CAB39L: variants seen among roughly 807,000 people sequenced by gnomAD.
CAB39L encodes the protein calcium binding protein 39 like.
CAB39L carries 23 observed loss-of-function variants against 39.1 expected under a neutral mutation model. The observed-to-expected ratio is 0.59, with a 90% CI of 0.42 to 0.83. CAB39L has a LOEUF of 0.83. Ranked by LOEUF, CAB39L falls within the 40% of genes least tolerant of loss-of-function variation. CAB39L has a pLI of 0.00. For synonymous variants in CAB39L, 126 were observed against 137.2 expected, an observed-to-expected ratio of 0.92 and a Z score of 0.57; for missense variants, 366 against 391.9, an observed-to-expected ratio of 0.93 and a Z score of 0.56.
intron 3 of CAB39L, among the ~76,000 whole-genome samples, chr13:49,427,280 C>T (rs1405154451): frequency 2.0e-5 from 3 of 152,192 alleles, no homozygotes; most frequent in Non-Finnish European, 4.4e-5. Context: ...ACCAAAAAAA[C>T]ATGAGTCTAC....
intron 6 of CAB39L, among the ~76,000 whole-genome samples, chr13:49,355,613 T>C (rs1289266942): frequency 1.3e-5 from 2 of 152,030 alleles, no homozygotes. Flanking sequence ...GAAACTATTT[T>C]AGTGATGTTA....
At chr13:49,438,395 T>C (rs934449890) in intron 1 of CAB39L, among the ~76,000 whole-genome samples, 1 of 152,220 alleles carries the variant, frequency 6.6e-6, no homozygotes, top group Non-Finnish European at 1.5e-5. Context: ...CAAAATATAT[T>C]TGATTTGCTC....
At chr13:49,421,007 A>G (rs1957163118) in intron 3 of CAB39L, among the ~76,000 whole-genome samples, 2 of 152,208 alleles carry the variant, frequency 1.3e-5, no homozygotes, top group South Asian at 2.1e-4. Context: ...TCTGTACATT[A>G]TATTTCAACT....
rs149844947 is a variant in CAB39L at position 49,332,065 on chromosome 13, C to T, written c.716G>A (p.Arg239His). The change falls in exon 10 of 11, where the codon CGT (arginine) becomes CAT (histidine). Residue 239 changes from arginine (R) to histidine (H), a missense_variant. By Grantham distance (29) the Arg-to-His change is conservative. Coordinates refer to ENST00000409308, the MANE Select transcript of CAB39L (RefSeq NM_001079670.3). ...CTTTGTCATGATGGCAAAGTTGTGA[C>T]GGTCCAGGATCAGCTCCCCTAGCAG... ...LKLLGELILD[R>H]HNFAIMTKYI... 2.2e-5 allele frequency: 36 copies of T among 1,613,808 alleles called. No homozygotes were observed. Among genetic ancestry groups the T allele is most frequent in the South Asian group, 1.3e-4 (12 of 91,044 alleles).
At chr13:49,427,130 T>C (rs191189552) in intron 3 of CAB39L, among the ~76,000 whole-genome samples, 4 of 152,276 alleles carry the variant, frequency 2.6e-5, no homozygotes, top group Admixed American at 2.6e-4. Flanking sequence ...CTCAGTTCAT[T>C]ATGTGCATTC....
chr13:49,348,359 G>A (rs1955240802), intron 7 of CAB39L, among the ~76,000 whole-genome samples: 1 of 152,172 alleles, frequency 6.6e-6, no homozygotes, highest in Non-Finnish European at 1.5e-5. Flanking sequence ...CTTGAGGTCA[G>A]GAGTTCGAGA....
chr13:49,386,997 T>C (rs925321540), intron 3 of CAB39L, among the ~76,000 whole-genome samples: 1 of 152,192 alleles, frequency 6.6e-6, no homozygotes, highest in Admixed American at 6.5e-5. Context: ...ATTTAAGCAA[T>C]GAAGCAAGTA....
chr13:49,393,940 GAAC>G (rs1256940556), intron 3 of CAB39L, among the ~76,000 whole-genome samples: 5 of 151,872 alleles, frequency 3.3e-5, no homozygotes, highest in Non-Finnish European at 4.4e-5. Context: ...ACACATCAAT[GAAC>G]AACACAGCTC....
intron 7 of CAB39L, among the ~76,000 whole-genome samples, chr13:49,349,968 T>C (rs1034684504): frequency 1.3e-4 from 20 of 152,206 alleles, no homozygotes; most frequent in Non-Finnish European, 2.5e-4. Context: ...TCTTTTCTGA[T>C]ATATTCTCTG....
At chr13:49,312,165 G>C (rs1471354102) in intron 10 of CAB39L, among the ~76,000 whole-genome samples, 2 of 152,164 alleles carry the variant, frequency 1.3e-5, no homozygotes, top group Non-Finnish European at 2.9e-5. Context: ...AAAGCTGTGG[G>C]ATTACAGGCA....
chr13:49,380,466 GA>G (rs1956230209), intron 4 of CAB39L, among the ~76,000 whole-genome samples: 2 of 152,140 alleles, frequency 1.3e-5, no homozygotes, highest in Non-Finnish European at 2.9e-5. Context: ...CATAGAGGCA[GA>G]AAGTACATAG....
intron 5 of CAB39L, among the ~76,000 whole-genome samples, chr13:49,374,894 C>T (rs1420377012): frequency 2.6e-5 from 4 of 152,100 alleles, no homozygotes; most frequent in East Asian, 1.9e-4. Context: ...GAATTAATGA[C>T]GACAGTAGCT....
rs1953968206 is a variant in CAB39L at position 49,310,964 on chromosome 13, CT to C, written c.863del (p.Gln288ArgfsTer8). ...KVFVASPHKTQPIVEILLKNQ... is the reference protein window; with the variant it reads ...KVFVASPHKTXPIVEILLKNQ... ...TTTTTAACAGGATCTCCACAATAGG[CT>C]GTGTTTTGTGAGGACTGGCCACAAA... On this transcript the variant is annotated frameshift_variant, in exon 11 of 11. Coordinates refer to ENST00000409308, the MANE Select transcript of CAB39L (RefSeq NM_001079670.3). LOFTEE classifies it high-confidence loss of function. 6.2e-7 allele frequency: 1 copy of C among 1,613,916 alleles called. No homozygotes were observed. Among genetic ancestry groups the C allele is most frequent in the African/African-American group, 1.3e-5 (1 of 74,896 alleles).
intron 10 of CAB39L, among the ~76,000 whole-genome samples, chr13:49,331,551 T>C (rs1487791221): frequency 6.6e-6 from 1 of 151,992 alleles, no homozygotes; most frequent in African/African-American, 2.4e-5. Flanking sequence ...AAAAAAATAA[T>C]AATATTAATA....
At chr13:49,392,971 T>G (rs1956520812) in intron 3 of CAB39L, 1 of 152,106 alleles carries the variant, frequency 6.6e-6, no homozygotes, top group Non-Finnish European at 1.5e-5. Flanking sequence ...ATACAAATCT[T>G]AGCTCAATTT....
At chr13:49,407,531 T>C (rs1956905922) in intron 3 of CAB39L, among the ~76,000 whole-genome samples, 1 of 151,924 alleles carries the variant, frequency 6.6e-6, no homozygotes, top group African/African-American at 2.4e-5. Flanking sequence ...TGGTTTGTCA[T>C]GATCCCCCCC....
chr13:49,311,651 C>A (rs1435177682), intron 10 of CAB39L, among the ~76,000 whole-genome samples: 1 of 151,386 alleles, frequency 6.6e-6, no homozygotes, highest in East Asian at 1.9e-4. Flanking sequence ...TAGGCCGAGG[C>A]TAATGTGAGT....
At chr13:49,405,802 T>C (rs1956865598) in intron 3 of CAB39L, among the ~76,000 whole-genome samples, 2 of 145,780 alleles carry the variant, frequency 1.4e-5, no homozygotes, top group African/African-American at 2.5e-5. Flanking sequence ...GGGAGGGACA[T>C]ATACTCAATG....
intron 3 of CAB39L, among the ~76,000 whole-genome samples, chr13:49,425,123 T>C (rs1033200631): frequency 6.7e-6 from 1 of 149,890 alleles, no homozygotes; most frequent in African/African-American, 2.5e-5. Flanking sequence ...TCTGAATTAA[T>C]ATTTCACAAT....
Sources: gnomAD v4.1 joint callset for allele counts (sites outside exome capture counted in the v4.1 genomes callset) on GRCh38, gnomAD v4.1.1 for gene constraint, MANE v1.5 for transcripts, NCBI Gene and HGNC (gene_info 2026-07-23, HGNC 2026-07-21) for gene names.